Variants in FAT3 observed in about 807,000 individuals in gnomAD.
FAT3 encodes the protein protocadherin Fat 3.
Under a neutral mutation model 310.2 loss-of-function variants are expected in FAT3, and 95 were observed. That is an observed-to-expected ratio of 0.31 (90% CI 0.26 to 0.36). The LOEUF (loss-of-function observed/expected upper bound fraction) is 0.36, where lower values mean the gene tolerates loss of function less well. Among genes scored for constraint, FAT3 ranks in the 10% least tolerant of loss-of-function variants. The probability of loss-of-function intolerance (pLI) is 1.00; values close to 1 mark genes in which losing one functional copy is unlikely to be tolerated. For missense variants in FAT3, 5,408 were observed against 5,715.6 expected (o/e 0.95, Z 1.74); for synonymous variants, 2,314 against 2,192.9 (o/e 1.06, Z -1.54).
chr11:92,776,606 G>A (rs1187771015), intron 7 of FAT3, among the ~76,000 whole-genome samples: 1 of 151,986 alleles, frequency 6.6e-6, no homozygotes, highest in African/African-American at 2.4e-5. Context: ...TCCTGTTTTT[G>A]TTTATTTTAT....
chr11:92,529,334 C>G (rs1953988498), intron 3 of FAT3, among the ~76,000 whole-genome samples: 1 of 152,100 alleles, frequency 6.6e-6, no homozygotes, highest in African/African-American at 2.4e-5. Flanking sequence ...CCTGCAGAGA[C>G]AGAGGCCAGA....
intron 13 of FAT3, among the ~76,000 whole-genome samples, chr11:92,817,873 C>A (rs1374712147): frequency 6.6e-6 from 1 of 152,116 alleles, no homozygotes; most frequent in African/African-American, 2.4e-5. Context: ...TTTTTGTCTG[C>A]CACTTTTTGA....
At chr11:92,289,611 C>T (rs1012523668) in intron 1 of FAT3, among the ~76,000 whole-genome samples, 3 of 151,982 alleles carry the variant, frequency 2.0e-5, no homozygotes, top group African/African-American at 7.2e-5. Flanking sequence ...TTGGCCGTAT[C>T]TTCAGAATAT....
intron 2 of FAT3, among the ~76,000 whole-genome samples, chr11:92,371,109 A>G (rs1365323177): frequency 1.3e-5 from 2 of 152,230 alleles, no homozygotes; most frequent in Non-Finnish European, 2.9e-5. Context: ...TCATACTTAC[A>G]GCAGTGGGAA....
chr11:92,563,284 T>C (rs1382562036), intron 3 of FAT3, among the ~76,000 whole-genome samples: 1 of 152,220 alleles, frequency 6.6e-6, no homozygotes, highest in East Asian at 1.9e-4. Context: ...CAACAGCAAA[T>C]ATGTGAGTAA....
At chr11:92,478,395 G>A (rs1390431919) in intron 2 of FAT3, among the ~76,000 whole-genome samples, 1 of 152,096 alleles carries the variant, frequency 6.6e-6, no homozygotes, top group Non-Finnish European at 1.5e-5. Context: ...GAAGCTTGGT[G>A]TCCATCTCTT....
intron 3 of FAT3, among the ~76,000 whole-genome samples, chr11:92,633,641 A>G (rs1941643887): frequency 6.6e-6 from 1 of 152,166 alleles, no homozygotes; most frequent in Admixed American, 6.5e-5. Flanking sequence ...CAGTACATTG[A>G]TCAACAAACC....
intron 1 of FAT3, among the ~76,000 whole-genome samples, chr11:92,262,065 A>G (rs1865581546): frequency 6.6e-6 from 1 of 152,004 alleles, no homozygotes; most frequent in Non-Finnish European, 1.5e-5. Flanking sequence ...TAAAGAAACT[A>G]CCATATTAGA....
At chr11:92,558,750 G>GAA (rs1227031328) in intron 3 of FAT3, among the ~76,000 whole-genome samples, 3 of 152,124 alleles carry the variant, frequency 2.0e-5, no homozygotes, top group African/African-American at 7.2e-5. Flanking sequence ...CACCTGGCTG[G>GAA]AAAACTGTAC....
chr11:92,737,256 A>T (rs569094436), intron 4 of FAT3, among the ~76,000 whole-genome samples: 1 of 152,172 alleles, frequency 6.6e-6, no homozygotes, highest in Non-Finnish European at 1.5e-5. Flanking sequence ...GTGACGGAGG[A>T]TATACCAGCC....
chr11:92,404,043 A>G (rs1950085063), intron 2 of FAT3, among the ~76,000 whole-genome samples: 1 of 152,062 alleles, frequency 6.6e-6, no homozygotes. Flanking sequence ...AAGAAAAAAA[A>G]GGGAGAGAAA....
chr11:92,431,167 C>A (rs1349783097), intron 2 of FAT3, among the ~76,000 whole-genome samples: 1 of 152,224 alleles, frequency 6.6e-6, no homozygotes, highest in Non-Finnish European at 1.5e-5. Context: ...TCCTCTCCAG[C>A]ACCTGTTGTT....
rs564592950 is a variant in FAT3, at chr11:92,525,490, G to A, written c.3607+542G>A. The stretch of plus-strand genomic sequence containing the variant: ...AATTTTCTGGTCTTTTGCTCAAAAC[G>A]TTTTTAGAGATTGTAATGAAAACTT... On this transcript the variant is annotated intron_variant, in intron 3 of 27. Coordinates refer to ENST00000525166, the MANE Select transcript of FAT3 (RefSeq NM_001367949.2). Among the ~76,000 whole-genome samples the A allele has an allele frequency of 3.9e-5, 6 of 152,250 alleles. No homozygotes were observed. In the East Asian group the frequency reaches 5.8e-4, roughly 15 times the overall value.
chr11:92,522,369 C>T (rs970516721), intron 2 of FAT3, among the ~76,000 whole-genome samples: 1 of 152,176 alleles, frequency 6.6e-6, no homozygotes, highest in Non-Finnish European at 1.5e-5. Flanking sequence ...ATCCAACCCT[C>T]AGAGCCCTCC....
intron 2 of FAT3, among the ~76,000 whole-genome samples, chr11:92,385,718 T>G (rs1949604324): frequency 1.3e-5 from 2 of 152,192 alleles, no homozygotes; most frequent in Non-Finnish European, 2.9e-5. Flanking sequence ...TCTTATCTGT[T>G]TTTACATTTT....
chr11:92,511,038 C>T (rs1454190832), intron 2 of FAT3, among the ~76,000 whole-genome samples: 1 of 152,220 alleles, frequency 6.6e-6, no homozygotes, highest in Non-Finnish European at 1.5e-5. Context: ...CTGATTCTGG[C>T]AGCCTGCAGT....
rs745373906 is a variant in FAT3, at chr11:92,801,786, G to T, written c.8773G>T (p.Ala2925Ser). ...TATAAATGACAATGCACCAGTCTTC[G>T]CGCAGGAAGTGTACCGAGGGAATGT... is the stretch of plus-strand genomic sequence containing the variant. ...TDINDNAPVF[A>S]QEVYRGNVKE... is the part of the protein sequence containing the mutation. The change falls in exon 10 of 28, where the codon GCG becomes TCG. Residue 2925 changes from alanine (A) to serine (S), a missense_variant. Coordinates refer to ENST00000525166, the MANE Select transcript of FAT3 (RefSeq NM_001367949.2). The T allele has an allele frequency of 3.1e-6, 5 of 1,613,874 alleles. No individual in the cohort carries two copies. The highest frequency in any genetic ancestry group is 1.3e-5 in the African/African-American group (1 of 74,990).
intron 2 of FAT3, among the ~76,000 whole-genome samples, chr11:92,448,736 A>G (rs1229856857): frequency 6.6e-6 from 1 of 152,152 alleles, no homozygotes; most frequent in African/African-American, 2.4e-5. Flanking sequence ...GTGTGCTGGG[A>G]AAACAGAACT....
chr11:92,458,735 A>G (rs1951564554), intron 2 of FAT3, among the ~76,000 whole-genome samples: 1 of 152,160 alleles, frequency 6.6e-6, no homozygotes, highest in African/African-American at 2.4e-5. Flanking sequence ...GTAATATACT[A>G]TAGAGAAAAA....
Sources: gnomAD v4.1 joint callset for allele counts (sites outside exome capture counted in the v4.1 genomes callset) on GRCh38, gnomAD v4.1.1 for gene constraint, MANE v1.5 for transcripts, NCBI Gene and HGNC (gene_info 2026-07-23, HGNC 2026-07-21) for gene names.